The following DNAJC10 variants were observed in gnomAD, a reference collection of about 807,000 sequenced individuals.
DNAJC10 encodes the protein DnaJ heat shock protein family (Hsp40) member C10.
A neutral mutation model predicts 115.0 loss-of-function variants in DNAJC10; 101 were observed. The ratio of observed to expected loss-of-function variants is 0.88; its 90% CI spans 0.75 to 1.04. The LOEUF (loss-of-function observed/expected upper bound fraction) is 1.04, where lower values mean the gene tolerates loss of function less well. Among genes scored for constraint, DNAJC10 ranks in the 50% least tolerant of loss-of-function variants. The probability of loss-of-function intolerance (pLI) is 0.00; values close to 1 mark genes in which losing one functional copy is unlikely to be tolerated. For missense variants in DNAJC10, 981 were observed against 928.8 expected, an observed-to-expected ratio of 1.06 and a Z score of -0.73; for synonymous variants, 307 against 301.5, an observed-to-expected ratio of 1.02 and a Z score of -0.19.
In DNAJC10 at chr2:182,782,464, A is replaced by G. The variant is rs1694871016; in HGVS notation, c.*5332A>G. On this transcript the variant is annotated 3_prime_UTR_variant, in exon 24 of 24. Coordinates refer to ENST00000264065, the MANE Select transcript of DNAJC10 (RefSeq NM_018981.4). ...TTTTCCAATTCTGTGAAGAAAGTCA[A>G]TGGTAGCTTGATGGGAATAGCATTG... 2.6e-5 allele frequency: 4 copies of G among 152,066 alleles called. No individual in the cohort carries two copies. The highest frequency in any genetic ancestry group is 6.5e-5 in the Admixed American group (1 of 15,272). The allele number at this position is 152,066 out of a possible 1,614,324, so 9.4% of individuals were successfully genotyped here.
At chr2:182,772,010 G>A (rs1694576997) in intron 22 of DNAJC10, among the ~76,000 whole-genome samples, 1 of 152,142 alleles carries the variant, frequency 6.6e-6, no homozygotes, top group African/African-American at 2.4e-5. Context: ...AGAGATTCTG[G>A]TATGTTGTGT....
rs767002657 is a variant in DNAJC10, at chr2:182,729,921, CAG to C, written c.708_709del (p.Val237AspfsTer43). On this transcript the variant is annotated frameshift_variant, in exon 8 of 24. Transcript: ENST00000264065. LOFTEE classifies it high-confidence loss of function. ...TTTGCAATGCAGCATGTTAGAAGTA[CAG>C]TGACAGAACTTTGGACAGGTAATTT... The C allele has an allele frequency of 1.2e-6, 2 of 1,605,880 alleles. No homozygotes were observed. Among genetic ancestry groups the C allele is most frequent in the South Asian group, 2.2e-5 (2 of 90,090 alleles).
chr2:182,740,049 A>G (rs926571575), intron 11 of DNAJC10: 7 of 1,022,450 alleles, frequency 6.8e-6, no homozygotes, highest in Non-Finnish European at 8.3e-6. Context: ...TAAAAATTCC[A>G]GTTAATGCAA....
Position 182,729,865 on chromosome 2 carries a change from T to A in DNAJC10, c.651T>A (p.His217Gln), listed in dbSNP as rs750240525. Residue 217 changes from histidine (H) to glutamine (Q), a missense_variant, in exon 8 of 24, where the codon CAT becomes CAA. Coordinates refer to ENST00000264065, the MANE Select transcript of DNAJC10 (RefSeq NM_018981.4). ...ACCAATAGGCCCCAGTGAAATATCATGGAGACAGATCAAAGGAGAGTTTAG... is the reference window on the plus strand; with the variant it reads ...ACCAATAGGCCCCAGTGAAATATCAAGGAGACAGATCAAAGGAGAGTTTAG... Reference protein sequence around the residue: ...FRSGMAPVKYHGDRSKESLVS... With the variant: ...FRSGMAPVKYQGDRSKESLVS... 14 of 1,608,344 alleles carry A rather than the reference T, an allele frequency of 8.7e-6. No homozygotes were observed. The South Asian group carries it at 1.2e-4, about 14-fold the overall frequency.
At chr2:182,735,651 A>G (rs1176208798) in intron 10 of DNAJC10, among the ~76,000 whole-genome samples, 1 of 152,050 alleles carries the variant, frequency 6.6e-6, no homozygotes, top group Non-Finnish European at 1.5e-5. Context: ...TCCCAGTTGA[A>G]TGTATGTTAG....
intron 14 of DNAJC10, among the ~76,000 whole-genome samples, chr2:182,746,263 G>A (rs926354914): frequency 5.9e-5 from 9 of 152,126 alleles, no homozygotes; most frequent in African/African-American, 1.9e-4. Context: ...GTAATGGGAT[G>A]GCTGGGTCAA....
intron 19 of DNAJC10, 75 bp downstream of exon 19, chr2:182,757,900 C>G: frequency 1.1e-6 from 1 of 879,942 alleles, no homozygotes. Flanking sequence ...GTTACCTGAA[C>G]AAAATAAAAG....
At chr2:182,723,374 C>T (rs768895608) in intron 5 of DNAJC10, among the ~76,000 whole-genome samples, 4 of 152,140 alleles carry the variant, frequency 2.6e-5, no homozygotes, top group Non-Finnish European at 5.9e-5. Flanking sequence ...TTATTTTCTA[C>T]ATCATGCTGG....
intron 14 of DNAJC10, among the ~76,000 whole-genome samples, chr2:182,750,988 T>C (rs1446406572): frequency 1.3e-5 from 2 of 152,144 alleles, no homozygotes; most frequent in Admixed American, 6.5e-5. Context: ...TTTGAATTCA[T>C]AAGAGAAGTC....
rs1365158956 is a variant in DNAJC10, at chr2:182,785,267, A to AAAAC, written c.*8137_*8140dup. On this transcript the variant is annotated 3_prime_UTR_variant, in exon 24 of 24. Transcript: ENST00000264065. Reference sequence around the variant, plus strand: ...TATAAATGGATCACTTCTAATAAATAAAACATAAAATTGGACTAATAGCTT... The same window carrying AAAAC: ...TATAAATGGATCACTTCTAATAAATAAAACAAACATAAAATTGGACTAATAGCTT... 6.6e-6 allele frequency: 1 copy of AAAAC among 152,172 alleles called. No individual in the cohort carries two copies. Among genetic ancestry groups the AAAAC allele is most frequent in the African/African-American group, 2.4e-5 (1 of 41,446 alleles). 9.4% of individuals were successfully genotyped at this position (152,172 alleles called of 1,614,324 possible). A position where few individuals can be genotyped will look rare whatever the true frequency, so the allele number is the denominator to read the frequency against.
intron 22 of DNAJC10, among the ~76,000 whole-genome samples, chr2:182,768,336 G>A (rs963464380): frequency 6.6e-6 from 1 of 152,174 alleles, no homozygotes; most frequent in African/African-American, 2.4e-5. Flanking sequence ...GATAATATCA[G>A]AGAAGTATCA....
rs1055960391 is a variant in DNAJC10 at position 182,753,958 on chromosome 2, A to G, written c.1552-1045A>G. ...TTCAGTGTAAGGATTTAAAACTATG[A>G]TATCGATTTACCTGGAATAGAGGCC... On this transcript the variant is annotated intron_variant, in intron 16 of 23. Transcript: ENST00000264065. Among the ~76,000 whole-genome samples, 5 of 152,262 alleles carry G rather than the reference A, an allele frequency of 3.3e-5. No individual in the cohort carries two copies. The East Asian group carries it at 7.7e-4, about 23-fold the overall frequency.
At chr2:182,719,273 T>TTTTTG (rs1693082768) in intron 3 of DNAJC10, among the ~76,000 whole-genome samples, 1 of 122,006 alleles carries the variant, frequency 8.2e-6, no homozygotes, top group African/African-American at 2.8e-5. Context: ...TTTTTTTTTT[T>TTTTTG]GAGATAGGGT....
At chr2:182,727,273 T>C (rs903401132) in intron 5 of DNAJC10, among the ~76,000 whole-genome samples, 1 of 152,164 alleles carries the variant, frequency 6.6e-6, no homozygotes, top group Non-Finnish European at 1.5e-5. Flanking sequence ...CAAATACCAT[T>C]CAAATTTGTT....
intron 14 of DNAJC10, among the ~76,000 whole-genome samples, chr2:182,749,807 T>A (rs1460006672): frequency 6.6e-6 from 1 of 152,224 alleles, no homozygotes; most frequent in African/African-American, 2.4e-5. Context: ...TCACAGTTTT[T>A]CGTGGTCAGG....
At chr2:182,737,686 A>G (rs1352326563) in intron 11 of DNAJC10, among the ~76,000 whole-genome samples, 3 of 152,160 alleles carry the variant, frequency 2.0e-5, no homozygotes, top group Non-Finnish European at 4.4e-5. Context: ...CTTCCTTAGG[A>G]TATTAGTCAG....
rs916585783 is a variant in DNAJC10 at position 182,785,658 on chromosome 2, G to A, written c.*8526G>A. The A allele has an allele frequency of 1.3e-5, 2 of 152,086 alleles. No individual in the cohort carries two copies. Among genetic ancestry groups the A allele is most frequent in the Non-Finnish European group, 2.9e-5 (2 of 67,974 alleles). 9.4% of individuals were successfully genotyped at this position (152,086 alleles called of 1,614,324 possible). On this transcript the variant is annotated 3_prime_UTR_variant, in exon 24 of 24. Transcript: ENST00000264065. ...TTCTTTAATGAAAAAGACAGAGAAA[G>A]GTATCGTATAGCTTAAAAGGAAAAA...
chr2:182,789,020 G>T lies in DNAJC10; in HGVS notation c.*11888G>T, dbSNP rs1695002219. 3.8e-6 allele frequency: 1 copy of T among 262,840 alleles called. No individual in the cohort carries two copies. The highest frequency in any genetic ancestry group is 5.2e-5 in the Admixed American group (1 of 19,078). The allele number at this position is 262,840 out of a possible 1,614,324, so 16.3% of individuals were successfully genotyped here. The stretch of plus-strand genomic sequence containing the variant: ...CAACCCATCTCCGTGACTTTATCTT[G>T]CAAAACTGAAATTTTATATCCATAA... On this transcript the variant is annotated 3_prime_UTR_variant, in exon 24 of 24. Transcript: ENST00000264065.
intron 22 of DNAJC10, among the ~76,000 whole-genome samples, chr2:182,771,118 G>A (rs1559027208): frequency 6.6e-6 from 1 of 152,010 alleles, no homozygotes; most frequent in South Asian, 2.1e-4. Flanking sequence ...TTATTGATTT[G>A]CATATGTTGA....
Sources: allele counts gnomAD v4.1 joint callset (sites outside exome capture counted in the v4.1 genomes callset), GRCh38; gene constraint gnomAD v4.1.1; transcripts MANE v1.5; gene names NCBI Gene and HGNC (gene_info 2026-07-23, HGNC 2026-07-21).